The following ZMYM2 variants were observed in gnomAD, a reference collection of about 807,000 sequenced individuals.
ZMYM2 encodes the protein zinc finger MYM-type protein 2.
A neutral mutation model predicts 162.8 loss-of-function variants in ZMYM2; 56 were observed. The ratio of observed to expected loss-of-function variants is 0.34; its 90% confidence interval spans 0.28 to 0.43. The LOEUF is 0.43. Ranked by LOEUF, ZMYM2 falls within the 20% of genes least tolerant of loss-of-function variation. The pLI, the probability that ZMYM2 is intolerant of heterozygous loss-of-function variation, is 1.00. For missense variants in ZMYM2, 1,275 were observed against 1,621.8 expected, an observed-to-expected ratio of 0.79 and a Z score of 3.67; for synonymous variants, 510 against 541.6, an observed-to-expected ratio of 0.94 and a Z score of 0.81.
the ZMYM2 span, among the ~76,000 whole-genome samples, chr13:19,901,665 C>T: frequency 2.0e-5 from 3 of 152,024 alleles, no homozygotes; most frequent in African/African-American, 4.8e-5. Context: ...TTAGTAGAGA[C>T]GGGGTTTCAC....
At chr13:19,949,400 C>A in the ZMYM2 span, among the ~76,000 whole-genome samples, 1 of 151,984 alleles carries the variant, frequency 6.6e-6, no homozygotes, top group Non-Finnish European at 1.5e-5. Context: ...GGCTACAGAG[C>A]GAGACTCTGT....
chr13:20,081,881 T>G (rs1273785435), intron 21 of ZMYM2, 135 bp from the exon 22 acceptor site: 1 of 513,740 alleles, frequency 1.9e-6, no homozygotes. Context: ...ATACATAAAA[T>G]CAGTCATGTT....
upstream of ZMYM2, among the ~76,000 whole-genome samples, chr13:19,957,695 G>A (rs1954633461): frequency 6.6e-6 from 1 of 152,246 alleles, no homozygotes. Flanking sequence ...ACGGTGGCAG[G>A]CGGTAGAGAG....
intron 2 of ZMYM2, among the ~76,000 whole-genome samples, chr13:19,981,204 C>G (rs917544169): frequency 1.3e-5 from 2 of 152,048 alleles, no homozygotes; most frequent in African/African-American, 2.4e-5. Flanking sequence ...TCCAGATGTT[C>G]AAGGCTGCAG....
At chr13:20,011,566 T>G (rs1289408518) in intron 6 of ZMYM2, among the ~76,000 whole-genome samples, 1 of 148,784 alleles carries the variant, frequency 6.7e-6, no homozygotes, top group Non-Finnish European at 1.5e-5. Flanking sequence ...GAAGTTTTTA[T>G]TTTTTTGTTT....
At chr13:20,083,498 G>A (rs2141055362) in intron 23 of ZMYM2, 158 bp from the exon 24 acceptor site, 1 of 616,914 alleles carries the variant, frequency 1.6e-6, no homozygotes, top group Admixed American at 3.4e-5. Flanking sequence ...AGATGTCTCA[G>A]TTCCTTTTGT....
chr13:19,871,505 T>C, the ZMYM2 span, among the ~76,000 whole-genome samples: 2 of 152,094 alleles, frequency 1.3e-5, no homozygotes, highest in Non-Finnish European at 2.9e-5. Context: ...TCAAGCAGTC[T>C]TCCCACCTCA....
upstream of ZMYM2, among the ~76,000 whole-genome samples, chr13:19,957,734 C>A (rs1312947980): frequency 6.6e-6 from 1 of 152,218 alleles, no homozygotes; most frequent in Non-Finnish European, 1.5e-5. Context: ...CCCCGGGCTG[C>A]GGAGCACAGG....
the ZMYM2 span, among the ~76,000 whole-genome samples, chr13:19,935,724 C>T: frequency 6.6e-6 from 1 of 152,058 alleles, no homozygotes; most frequent in African/African-American, 2.4e-5. Context: ...CAACTCATTG[C>T]AACCTCCGCC....
chr13:19,964,432 TA>T (rs1390970523), intron 2 of ZMYM2, among the ~76,000 whole-genome samples: 4 of 152,012 alleles, frequency 2.6e-5, no homozygotes, highest in African/African-American at 9.7e-5. Context: ...GCATGTTTAA[TA>T]GGTCGGTTTT....
intron 16 of ZMYM2, among the ~76,000 whole-genome samples, chr13:20,060,798 G>A (rs1466030465): frequency 2.6e-5 from 4 of 152,036 alleles, no homozygotes; most frequent in African/African-American, 9.7e-5. Flanking sequence ...ACTGTGTCAG[G>A]GCTTGGCTAT....
chr13:19,906,355 A>ATATATATGTATATATATATGTG, the ZMYM2 span, among the ~76,000 whole-genome samples: 1 of 132,280 alleles, frequency 7.6e-6, no homozygotes, highest in Non-Finnish European at 1.6e-5. Flanking sequence ...ATGTGTGTGT[A>ATATATATGTATATATATATGTG]TATATATATG....
intron 6 of ZMYM2, among the ~76,000 whole-genome samples, chr13:20,016,073 CT>C (rs968500584): frequency 4.6e-4 from 69 of 151,080 alleles, no homozygotes; most frequent in African/African-American, 1.6e-3. Context: ...TATTCTATAC[CT>C]TTTTTTTGGT....
the ZMYM2 span, among the ~76,000 whole-genome samples, chr13:19,866,171 G>A: frequency 1.3e-5 from 2 of 151,798 alleles, no homozygotes; most frequent in African/African-American, 4.8e-5. Flanking sequence ...GCAGTGAGCC[G>A]AGACTGCATC....
intron 9 of ZMYM2, among the ~76,000 whole-genome samples, chr13:20,029,475 A>T (rs1387696255): frequency 1.3e-5 from 2 of 152,086 alleles, no homozygotes; most frequent in African/African-American, 4.8e-5. Flanking sequence ...TGGGGCTCAA[A>T]TTTTTTGGAA....
At chr13:19,997,118 A>G (rs1441414094) in intron 3 of ZMYM2, among the ~76,000 whole-genome samples, 2 of 152,126 alleles carry the variant, frequency 1.3e-5, no homozygotes, top group Non-Finnish European at 2.9e-5. Context: ...GTATTTTGTT[A>G]ACCTAGTGGA....
chr13:19,946,553 T>A, the ZMYM2 span, among the ~76,000 whole-genome samples: 1 of 152,240 alleles, frequency 6.6e-6, no homozygotes, highest in Non-Finnish European at 1.5e-5. Context: ...TCCATCTAGC[T>A]CTCGATCGCA....
chr13:20,068,692 G>T (rs1410182179), intron 21 of ZMYM2, among the ~76,000 whole-genome samples: 1 of 152,044 alleles, frequency 6.6e-6, no homozygotes, highest in Non-Finnish European at 1.5e-5. Flanking sequence ...AGATGAAATT[G>T]TCTTGGTCCT....
At chr13:20,034,525 C>T (rs1038991307) in intron 11 of ZMYM2, 121 bp downstream of exon 11, 11 of 929,848 alleles carry the variant, frequency 1.2e-5, no homozygotes, top group Non-Finnish European at 1.5e-5. Context: ...ATTGAGTTTA[C>T]GTTTCTACTG....
Sources: allele counts gnomAD v4.1 joint callset (sites outside exome capture counted in the v4.1 genomes callset), GRCh38; gene constraint gnomAD v4.1.1; transcripts MANE v1.5; gene names NCBI Gene and HGNC (gene_info 2026-07-23, HGNC 2026-07-21).